GABRA1: variants seen among roughly 807,000 people sequenced by gnomAD.
GABRA1 encodes the protein gamma-aminobutyric acid receptor subunit alpha-1.
A neutral mutation model predicts 48.9 loss-of-function variants in GABRA1; 9 were observed. That is an observed-to-expected ratio of 0.18 (90% CI 0.11 to 0.32). The LOEUF (loss-of-function observed/expected upper bound fraction) is 0.32, where lower values mean the gene tolerates loss of function less well. Among genes scored for constraint, GABRA1 ranks in the 10% least tolerant of loss-of-function variants. The probability of loss-of-function intolerance (pLI) is 1.00; values close to 1 mark genes in which losing one functional copy is unlikely to be tolerated. For missense variants in GABRA1, 285 were observed against 553.8 expected (o/e 0.51, Z 4.87); for synonymous variants, 210 against 198.7 (o/e 1.06, Z -0.48).
chr5:161,883,328 G>A (rs975004169), intron 7 of GABRA1, among the ~76,000 whole-genome samples: 1 of 152,142 alleles, frequency 6.6e-6, no homozygotes, highest in Non-Finnish European at 1.5e-5. Flanking sequence ...AAAGTAGGTA[G>A]CATGCCATCC....
At chr5:161,882,891 G>T (rs550455006) in intron 7 of GABRA1, among the ~76,000 whole-genome samples, 190 bp downstream of exon 7, 5 of 152,054 alleles carry the variant, frequency 3.3e-5, no homozygotes, top group Non-Finnish European at 7.4e-5. Context: ...ATGCCTCTTG[G>T]CCTCTGTTTC....
intron 4 of GABRA1, among the ~76,000 whole-genome samples, chr5:161,870,523 C>T (rs72819304): frequency 0.012 from 1,735 of 144,800 alleles, 14 homozygotes; most frequent in Admixed American, 0.023. Flanking sequence ...GCTATGACCG[C>T]GTTATTGCAG....
chr5:161,884,120 T>C (rs1249944602), intron 7 of GABRA1, among the ~76,000 whole-genome samples: 2 of 151,946 alleles, frequency 1.3e-5, no homozygotes, highest in Non-Finnish European at 2.9e-5. Flanking sequence ...TATTGCAGAG[T>C]GTTATATAAT....
At chr5:161,877,127 G>A (rs1024081302) in intron 6 of GABRA1, among the ~76,000 whole-genome samples, 61 of 152,000 alleles carry the variant, frequency 4.0e-4, no homozygotes, top group African/African-American at 9.4e-4. Context: ...TATGGTTGTG[G>A]TATAGACAGG....
intron 6 of GABRA1, among the ~76,000 whole-genome samples, chr5:161,881,317 T>C (rs901761675): frequency 2.6e-5 from 4 of 152,138 alleles, no homozygotes; most frequent in South Asian, 2.1e-4. Context: ...TTCCAACCTA[T>C]GTGAAGTGGG....
intron 2 of GABRA1, 59 bp from the exon 3 acceptor site, chr5:161,854,099 A>C: frequency 2.4e-6 from 2 of 846,922 alleles, no homozygotes; most frequent in Non-Finnish European, 4.0e-6. Context: ...TTTATTTGGA[A>C]AGAGGTTTTA....
intron 8 of GABRA1, among the ~76,000 whole-genome samples, chr5:161,894,635 C>A (rs1165368683): frequency 6.6e-6 from 1 of 152,110 alleles, no homozygotes; most frequent in Non-Finnish European, 1.5e-5. Flanking sequence ...GCCTGATCCA[C>A]CCTGAATGGG....
chr5:161,859,595 T>C (rs1231697696), intron 3 of GABRA1, among the ~76,000 whole-genome samples: 1 of 151,820 alleles, frequency 6.6e-6, no homozygotes, highest in Non-Finnish European at 1.5e-5. Flanking sequence ...TCTTTTAAAA[T>C]TCAACTTTGA....
At chr5:161,892,737 G>A (rs982459308) in intron 8 of GABRA1, among the ~76,000 whole-genome samples, 2 of 152,128 alleles carry the variant, frequency 1.3e-5, no homozygotes, top group East Asian at 1.9e-4. Context: ...CGGGCACGGG[G>A]CCCACGTCTG....
At chr5:161,882,224 C>T (rs762842142) in intron 6 of GABRA1, 17 of 357,416 alleles carry the variant, frequency 4.8e-5, no homozygotes, top group Non-Finnish European at 8.0e-5. Context: ...AAATTACATA[C>T]GTATTTGCTT....
At chr5:161,855,859 A>T (rs1455782937) in intron 3 of GABRA1, among the ~76,000 whole-genome samples, 1 of 151,348 alleles carries the variant, frequency 6.6e-6, no homozygotes, top group Non-Finnish European at 1.5e-5. Flanking sequence ...CAACATATTT[A>T]AAAAATTTCT....
At chr5:161,857,445 AAAC>A (rs1757691327) in intron 3 of GABRA1, among the ~76,000 whole-genome samples, 1 of 151,586 alleles carries the variant, frequency 6.6e-6, no homozygotes, top group Non-Finnish European at 1.5e-5. Flanking sequence ...AATAATTAGA[AAAC>A]AAAATATATA....
At chr5:161,882,833 G>A in intron 7 of GABRA1, 132 bp downstream of exon 7, 1 of 886,826 alleles carries the variant, frequency 1.1e-6, no homozygotes, top group Non-Finnish European at 1.8e-6. Flanking sequence ...AGTTGAGCTG[G>A]GAACTAATGT....
At chr5:161,889,304 A>G (rs571744743) in intron 7 of GABRA1, among the ~76,000 whole-genome samples, 2 of 152,126 alleles carry the variant, frequency 1.3e-5, no homozygotes, top group South Asian at 4.1e-4. Context: ...GTATCATCTT[A>G]ATTAGAGCCA....
At chr5:161,854,324 T>A in intron 3 of GABRA1, 54 bp downstream of exon 3, 2 of 907,888 alleles carry the variant, frequency 2.2e-6, no homozygotes, top group Non-Finnish European at 3.7e-6. Context: ...ATCTTTACTA[T>A]CACAGCCTTA....
intron 2 of GABRA1, chr5:161,853,736 A>C (rs1311893937): frequency 6.4e-6 from 1 of 156,776 alleles, no homozygotes; most frequent in Non-Finnish European, 1.4e-5. Context: ...TGGTAGGTAA[A>C]AACTTAGGCT....
Position 161,897,618 on chromosome 5 carries a change from G to C in GABRA1, c.*196G>C, listed in dbSNP as rs2113471447. The C allele has an allele frequency of 1.7e-6, 1 of 591,782 alleles. No individual in the cohort carries two copies. Among genetic ancestry groups the C allele is most frequent in the East Asian group, 2.9e-5 (1 of 34,778 alleles). 36.7% of individuals were successfully genotyped at this position (591,782 alleles called of 1,614,324 possible). A position where few individuals can be genotyped will look rare whatever the true frequency, so the allele number is the denominator to read the frequency against. ...AGCAGACTATGCAGCTTGGAGACAGGATTCTGACAGAGCAAGCGAAAGAGC... is the reference window on the plus strand; with the variant it reads ...AGCAGACTATGCAGCTTGGAGACAGCATTCTGACAGAGCAAGCGAAAGAGC... On this transcript the variant is annotated 3_prime_UTR_variant, in exon 10 of 10. Transcript: ENST00000393943.
intron 3 of GABRA1, among the ~76,000 whole-genome samples, chr5:161,855,469 C>T (rs1367499907): frequency 2.0e-5 from 3 of 151,454 alleles, no homozygotes; most frequent in Non-Finnish European, 4.4e-5. Context: ...TTCAAACATT[C>T]ATTTTAGGAC....
chr5:161,865,313 C>T (rs1758009162), intron 3 of GABRA1, among the ~76,000 whole-genome samples: 1 of 152,122 alleles, frequency 6.6e-6, no homozygotes, highest in South Asian at 2.1e-4. Context: ...CTAAAGTACA[C>T]TATCTATTTC....
Sources: allele counts gnomAD v4.1 joint callset (sites outside exome capture counted in the v4.1 genomes callset), GRCh38; gene constraint gnomAD v4.1.1; transcripts MANE v1.5; gene names NCBI Gene and HGNC (gene_info 2026-07-23, HGNC 2026-07-21).